The following ABCB5 variants were observed in gnomAD, a reference collection of about 807,000 sequenced individuals.
The protein encoded by ABCB5 is ATP binding cassette subfamily B member 5, also known as ATP-binding cassette sub-family B member 5.
Under a neutral mutation model 144.2 loss-of-function variants are expected in ABCB5, and 155 were observed. The ratio of observed to expected loss-of-function variants is 1.08; its 90% CI spans 0.94 to 1.23. ABCB5 has a LOEUF of 1.23. Ranked by LOEUF, ABCB5 falls within the 50% of genes most tolerant of loss-of-function variation. ABCB5 has a pLI of 0.00. For synonymous variants in ABCB5, 610 were observed against 528.6 expected, an observed-to-expected ratio of 1.15 and a Z score of -2.11; for missense variants, 1,830 against 1,520.8, an observed-to-expected ratio of 1.20 and a Z score of -3.38.
At position 20,660,251 on chromosome 7, in the gene ABCB5, G is replaced by A. The variant is rs2128030585; in HGVS notation, c.1707+1575G>A. ...TCCAAAATTACACAAAATAGCAACTGTGAAAAAAATGAAGGCAATATATGA... is the reference window on the plus strand; with the variant it reads ...TCCAAAATTACACAAAATAGCAACTATGAAAAAAATGAAGGCAATATATGA... On this transcript the variant is annotated intron_variant, in intron 14 of 27. Transcript: ENST00000404938. The A allele has an allele frequency of 3.0e-6, 3 of 985,212 alleles. No homozygotes were observed. The South Asian group carries it at 1.4e-4, about 46-fold the overall frequency. The allele number at this position is 985,212 out of a possible 1,614,324, so 61.0% of individuals were successfully genotyped here.
At chr7:20,755,194 C>G (rs1353212491) in intron 27 of ABCB5, among the ~76,000 whole-genome samples, 2 of 152,208 alleles carry the variant, frequency 1.3e-5, no homozygotes, top group African/African-American at 4.8e-5. Context: ...GGTGATCTGC[C>G]TGCCTTGGCC....
chr7:20,661,319 T>C (rs5011444), intron 14 of ABCB5, among the ~76,000 whole-genome samples: 16,229 of 152,098 alleles, frequency 0.11, 1,045 homozygotes, highest in South Asian at 0.19. Flanking sequence ...ACACACAACG[T>C]ATATGTTTGT....
At chr7:20,718,476 G>C (rs534461095) in intron 20 of ABCB5, among the ~76,000 whole-genome samples, 2 of 152,116 alleles carry the variant, frequency 1.3e-5, no homozygotes, top group Non-Finnish European at 2.9e-5. Context: ...TTTTTTGAGT[G>C]TTTGCTGTTG....
chr7:20,689,162 A>G (rs536790089), intron 16 of ABCB5, among the ~76,000 whole-genome samples: 1 of 152,330 alleles, frequency 6.6e-6, no homozygotes, highest in Non-Finnish European at 1.5e-5. Context: ...AGACACCTCT[A>G]AAGAATACAG....
chr7:20,731,910 G>C (rs577288434), intron 23 of ABCB5, among the ~76,000 whole-genome samples: 2 of 152,180 alleles, frequency 1.3e-5, no homozygotes, highest in Admixed American at 1.3e-4. Flanking sequence ...GTCCACTCTT[G>C]CTTCCCTATA....
intron 20 of ABCB5, among the ~76,000 whole-genome samples, chr7:20,716,156 C>A (rs1187614313): frequency 6.6e-6 from 1 of 152,094 alleles, no homozygotes; most frequent in Admixed American, 6.5e-5. Flanking sequence ...ATGTTTTATC[C>A]TTTCGACAAT....
chr7:20,714,877 G>T (rs1253558996), intron 20 of ABCB5, among the ~76,000 whole-genome samples: 3 of 152,074 alleles, frequency 2.0e-5, no homozygotes, highest in Non-Finnish European at 4.4e-5. Flanking sequence ...AATTAGGTTG[G>T]TGTGTATAGT....
At chr7:20,676,820 C>A (rs1180635731) in intron 14 of ABCB5, among the ~76,000 whole-genome samples, 1 of 152,068 alleles carries the variant, frequency 6.6e-6, no homozygotes, top group African/African-American at 2.4e-5. Context: ...TCCCTATTAT[C>A]AAATGAAGAA....
chr7:20,674,821 C>A (rs930251824), intron 14 of ABCB5, among the ~76,000 whole-genome samples: 1 of 150,328 alleles, frequency 6.7e-6, no homozygotes, highest in Non-Finnish European at 1.5e-5. Context: ...AGTAAGGTTG[C>A]AGGATATAAA....
intron 5 of ABCB5, among the ~76,000 whole-genome samples, chr7:20,636,068 G>C (rs1784149041): frequency 6.6e-6 from 1 of 152,162 alleles, no homozygotes; most frequent in Non-Finnish European, 1.5e-5. Context: ...CTATTGGATA[G>C]TGTTGTTCTG....
chr7:20,664,021 A>ATT (rs34583056), intron 14 of ABCB5, among the ~76,000 whole-genome samples: 1 of 147,268 alleles, frequency 6.8e-6, no homozygotes, highest in Non-Finnish European at 1.5e-5. Context: ...CAGTCAGGCA[A>ATT]TTTTTTTTTT....
chr7:20,678,643 A>AACAAAG (rs1039203503), intron 14 of ABCB5, among the ~76,000 whole-genome samples: 1 of 150,790 alleles, frequency 6.6e-6, no homozygotes, highest in Non-Finnish European at 1.5e-5. Context: ...CAAAAACAAA[A>AACAAAG]AAAAACACAT....
intron 23 of ABCB5, among the ~76,000 whole-genome samples, chr7:20,734,157 C>G (rs1213685646): frequency 6.6e-6 from 1 of 151,864 alleles, no homozygotes; most frequent in Non-Finnish European, 1.5e-5. Flanking sequence ...GTGGCCCCAA[C>G]TACCATGAAT....
At position 20,625,436 on chromosome 7, in the gene ABCB5, T is replaced by G. The variant is rs146655216; in HGVS notation, c.54-1121T>G. Among the ~76,000 whole-genome samples, 694 of 152,328 alleles carry G rather than the reference T, an allele frequency of 4.6e-3. 4 individuals carry two copies. Among genetic ancestry groups the G allele is most frequent in the Non-Finnish European group, 7.9e-3 (536 of 68,030 alleles). ...TGCTGTGAAATCAGTGGATACAATG[T>G]ACAGCTTTCATTTGGACCTCCTTGA... On this transcript the variant is annotated intron_variant, in intron 2 of 27. Coordinates refer to ENST00000404938, the MANE Select transcript of ABCB5 (RefSeq NM_001163941.2).
At chr7:20,721,750 C>G (rs1781875353) in intron 20 of ABCB5, among the ~76,000 whole-genome samples, 1 of 152,160 alleles carries the variant, frequency 6.6e-6, no homozygotes, top group African/African-American at 2.4e-5. Flanking sequence ...TTTACAGGTT[C>G]CATAATGCAA....
At chr7:20,708,824 G>C (rs1214221629) in intron 20 of ABCB5, among the ~76,000 whole-genome samples, 1 of 152,162 alleles carries the variant, frequency 6.6e-6, no homozygotes, top group Non-Finnish European at 1.5e-5. Context: ...GTTTTCTGCT[G>C]TACAAATATT....
chr7:20,686,326 C>T (rs1471142719), intron 16 of ABCB5, among the ~76,000 whole-genome samples: 1 of 152,152 alleles, frequency 6.6e-6, no homozygotes, highest in Non-Finnish European at 1.5e-5. Flanking sequence ...CCCACTCCTA[C>T]CCCCAAAGCC....
intron 23 of ABCB5, among the ~76,000 whole-genome samples, chr7:20,733,182 C>CATTATTATTATTATTATT (rs374670890): frequency 3.3e-4 from 50 of 151,108 alleles, no homozygotes; most frequent in South Asian, 1.7e-3. Flanking sequence ...ACTCAACGTA[C>CATTATTATTATTATTATT]ATTATTATTA....
chr7:20,748,548 G>A (rs1002066091), intron 26 of ABCB5, among the ~76,000 whole-genome samples: 1 of 149,542 alleles, frequency 6.7e-6, no homozygotes, highest in African/African-American at 2.5e-5. Context: ...TACTTGGGAG[G>A]CTGAGGCAGG....
Sources: allele counts gnomAD v4.1 joint callset (sites outside exome capture counted in the v4.1 genomes callset), GRCh38; gene constraint gnomAD v4.1.1; transcripts MANE v1.5; gene names NCBI Gene and HGNC (gene_info 2026-07-23, HGNC 2026-07-21).